PTPRD: variants seen among roughly 807,000 people sequenced by gnomAD.
The protein encoded by PTPRD is protein tyrosine phosphatase receptor type D, also known as receptor-type tyrosine-protein phosphatase delta.
PTPRD carries 34 observed loss-of-function variants against 214.5 expected under a neutral mutation model. The observed-to-expected ratio is 0.16, with a 90% CI of 0.12 to 0.21. The LOEUF (loss-of-function observed/expected upper bound fraction) is 0.21, where lower values mean the gene tolerates loss of function less well. Among genes scored for constraint, PTPRD ranks in the 10% least tolerant of loss-of-function variants. The pLI is 1.00. For synonymous variants in PTPRD, 1,128 were observed against 845.7 expected (o/e 1.33, Z -5.79); for missense variants, 2,545 against 2,398.7 (o/e 1.06, Z -1.27).
intron 44 of PTPRD, among the ~76,000 whole-genome samples, chr9:8,326,323 A>G (rs1204613886): frequency 6.6e-6 from 1 of 152,186 alleles, no homozygotes; most frequent in Admixed American, 6.5e-5. Flanking sequence ...ATCTATTGAG[A>G]TAATCATGTG....
At chr9:9,392,180 G>C (rs922707726) in intron 9 of PTPRD, among the ~76,000 whole-genome samples, 1 of 152,160 alleles carries the variant, frequency 6.6e-6, no homozygotes, top group Non-Finnish European at 1.5e-5. Context: ...CTCAGCGAGA[G>C]CAGTGTGCTA....
At chr9:9,031,300 A>G (rs967297121) in intron 10 of PTPRD, among the ~76,000 whole-genome samples, 1 of 152,040 alleles carries the variant, frequency 6.6e-6, no homozygotes, top group Non-Finnish European at 1.5e-5. Flanking sequence ...TCACTTAATG[A>G]CAGCGATTTA....
At position 8,757,695 on chromosome 9, in the gene PTPRD, T is replaced by G. The variant is rs145654627; in HGVS notation, c.-103-23749A>C. 2.9e-4 allele frequency among the ~76,000 whole-genome samples: 43 copies of G among 148,704 alleles called. No homozygotes were observed. In the East Asian group the frequency reaches 8.2e-3, roughly 28 times the overall value. On this transcript the variant is annotated intron_variant, in intron 11 of 45. Coordinates refer to ENST00000381196, the MANE Select transcript of PTPRD (RefSeq NM_002839.4). ...ACATATATATATATACATAAAAACATTGAATGTCTTAAAGGAAAAAGATTA... is the reference window on the plus strand; with the variant it reads ...ACATATATATATATACATAAAAACAGTGAATGTCTTAAAGGAAAAAGATTA...
intron 6 of PTPRD, among the ~76,000 whole-genome samples, chr9:9,754,479 A>G (rs1164036232): frequency 6.6e-6 from 1 of 152,078 alleles, no homozygotes; most frequent in Non-Finnish European, 1.5e-5. Flanking sequence ...CTCTCTGCAA[A>G]TGGTGATAAA....
At chr9:9,722,555 A>G (rs760237271) in intron 7 of PTPRD, among the ~76,000 whole-genome samples, 4 of 152,062 alleles carry the variant, frequency 2.6e-5, no homozygotes, top group African/African-American at 9.7e-5. Context: ...ATATAGACAT[A>G]TATTTTCATT....
chr9:9,423,698 C>T (rs1036368320), intron 8 of PTPRD, among the ~76,000 whole-genome samples: 1 of 151,988 alleles, frequency 6.6e-6, no homozygotes, highest in Non-Finnish European at 1.5e-5. Flanking sequence ...AATAATCAAA[C>T]AAAAATTCTA....
At position 8,960,274 on chromosome 9, in the gene PTPRD, T is replaced by A. The variant is rs907376716; in HGVS notation, c.-104+58423A>T. ...CAAGGCAAACACTGAGAAATATTAG[T>A]TATTATCATTAGTTATCATGATTGC... On this transcript the variant is annotated intron_variant, in intron 11 of 45. Transcript: ENST00000381196. 3.3e-5 allele frequency among the ~76,000 whole-genome samples: 5 copies of A among 152,236 alleles called. No individual in the cohort carries two copies. The East Asian group carries it at 7.7e-4, about 24-fold the overall frequency.
At chr9:8,504,967 C>G (rs919607435) in intron 22 of PTPRD, among the ~76,000 whole-genome samples, 1 of 152,114 alleles carries the variant, frequency 6.6e-6, no homozygotes, top group Non-Finnish European at 1.5e-5. Flanking sequence ...TAAAATATCA[C>G]GTTAGTCACT....
At chr9:9,989,437 G>A (rs568524994) in intron 4 of PTPRD, among the ~76,000 whole-genome samples, 7 of 152,142 alleles carry the variant, frequency 4.6e-5, no homozygotes, top group Non-Finnish European at 7.4e-5. Context: ...CTGGATGTTG[G>A]AGAGAAGCAG....
chr9:9,646,345 G>C (rs191059484), intron 7 of PTPRD, among the ~76,000 whole-genome samples: 8,974 of 145,942 alleles, frequency 0.061, 825 homozygotes, highest in African/African-American at 0.21. Context: ...GTGTGTGTGG[G>C]TGTGTGTGTG....
At chr9:9,785,286 G>A (rs1324979529) in intron 5 of PTPRD, among the ~76,000 whole-genome samples, 2 of 152,002 alleles carry the variant, frequency 1.3e-5, no homozygotes, top group Non-Finnish European at 2.9e-5. Flanking sequence ...ACTGGGTGAA[G>A]CAGGATATTT....
Position 10,488,570 on chromosome 9 carries a change from T to G in PTPRD, c.-600+123828A>C, listed in dbSNP as rs903849371. 2.6e-5 allele frequency among the ~76,000 whole-genome samples: 4 copies of G among 151,460 alleles called. No homozygotes were observed. The South Asian group carries it at 8.3e-4, about 32-fold the overall frequency. ...GGCAAGTTCCCCTAGGCCTCAAGAGTTTTTGGAGGTGCTGTCTGGGAGCCA... is the reference window on the plus strand; with the variant it reads ...GGCAAGTTCCCCTAGGCCTCAAGAGGTTTTGGAGGTGCTGTCTGGGAGCCA... On this transcript the variant is annotated intron_variant, in intron 2 of 45. Coordinates refer to ENST00000381196, the MANE Select transcript of PTPRD (RefSeq NM_002839.4).
Position 9,766,084 on chromosome 9 carries a change from G to A in PTPRD, c.-326+726C>T, listed in dbSNP as rs142341334. 4.6e-3 allele frequency among the ~76,000 whole-genome samples: 697 copies of A among 152,228 alleles called. 3 individuals are homozygous for A. Among genetic ancestry groups the A allele is most frequent in the African/African-American group, 0.016 (658 of 41,540 alleles). On this transcript the variant is annotated intron_variant, in intron 6 of 45. Transcript: ENST00000381196. ...TTTGTCAGTTGTCATCCTCCTTCAC[G>A]ACTGTCCTCAGGAATCTTAGTTCCC...
At chr9:8,380,569 C>T (rs906515337) in intron 37 of PTPRD, among the ~76,000 whole-genome samples, 4 of 152,218 alleles carry the variant, frequency 2.6e-5, no homozygotes, top group South Asian at 4.1e-4. Flanking sequence ...TCTATAATTA[C>T]GGAAAGAACA....
At chr9:9,130,927 C>T (rs184446488) in intron 10 of PTPRD, among the ~76,000 whole-genome samples, 16 of 152,184 alleles carry the variant, frequency 1.1e-4, no homozygotes, top group African/African-American at 1.2e-4. Context: ...GATCCTATGA[C>T]GAACCCTTTA....
chr9:9,842,181 A>G (rs555246015), intron 5 of PTPRD, among the ~76,000 whole-genome samples: 1 of 152,050 alleles, frequency 6.6e-6, no homozygotes, highest in East Asian at 1.9e-4. Flanking sequence ...TTTTTCTTTT[A>G]CAAGGCTTTT....
At chr9:10,473,173 C>T (rs1273875598) in intron 2 of PTPRD, among the ~76,000 whole-genome samples, 1 of 40,906 alleles carries the variant, frequency 2.4e-5, no homozygotes, top group East Asian at 2.7e-3. Flanking sequence ...ACATTAAATT[C>T]AAACAGCTGT....
At chr9:9,389,465 G>A (rs545110905) in intron 9 of PTPRD, among the ~76,000 whole-genome samples, 6 of 152,232 alleles carry the variant, frequency 3.9e-5, no homozygotes, top group East Asian at 1.9e-4. Flanking sequence ...AGCTGAGATC[G>A]TGCCATTGCA....
At chr9:9,917,524 C>T (rs914993436) in intron 5 of PTPRD, among the ~76,000 whole-genome samples, 1 of 146,848 alleles carries the variant, frequency 6.8e-6, no homozygotes, top group Non-Finnish European at 1.5e-5. Flanking sequence ...TTAGAGTTAA[C>T]ACCAATTCTT....
Sources: allele counts gnomAD v4.1 joint callset (sites outside exome capture counted in the v4.1 genomes callset), GRCh38; gene constraint gnomAD v4.1.1; transcripts MANE v1.5; gene names NCBI Gene and HGNC (gene_info 2026-07-23, HGNC 2026-07-21).